Variants in CMC2 observed in about 807,000 individuals in gnomAD.
The protein encoded by CMC2 is COX assembly mitochondrial protein 2 homolog.
In CMC2, 5 loss-of-function variants were observed where a neutral mutation model predicts 7.5. The ratio of observed to expected loss-of-function variants is 0.66; its 90% CI spans 0.35 to 1.40. The LOEUF (loss-of-function observed/expected upper bound fraction) is 1.40, where lower values mean the gene tolerates loss of function less well. Among genes scored for constraint, CMC2 ranks in the 40% most tolerant of loss-of-function variants. The pLI is 0.04. For missense variants in CMC2, 115 were observed against 92.3 expected (o/e 1.25, Z -1.01); for synonymous variants, 37 against 31.4 (o/e 1.18, Z -0.60).
chr16:80,996,669 T>C (rs544241574), intron 2 of CMC2, among the ~76,000 whole-genome samples: 10 of 152,318 alleles, frequency 6.6e-5, no homozygotes, highest in Admixed American at 5.2e-4. Context: ...TGAGAAAAAC[T>C]ATGCAAAGCT....
chr16:80,989,686 A>G (rs1407375341), intron 2 of CMC2, among the ~76,000 whole-genome samples: 1 of 82,400 alleles, frequency 1.2e-5, no homozygotes, highest in Non-Finnish European at 3.7e-5. Flanking sequence ...CATGAAACAA[A>G]CATAGACACA....
intron 3 of CMC2, chr16:80,980,789 G>C (rs1967051367): frequency 1.4e-6 from 1 of 698,618 alleles, no homozygotes; most frequent in South Asian, 1.5e-5. Flanking sequence ...TAGCTACTCA[G>C]GAGGCTGAGG....
At chr16:80,980,704 A>C (rs1967044820) in intron 3 of CMC2, 1 of 604,558 alleles carries the variant, frequency 1.7e-6, no homozygotes. Flanking sequence ...AGCCTGGCCA[A>C]AACAGTGAGA....
Position 80,981,813 on chromosome 16 carries a change from T to C in CMC2, c.146A>G (p.Lys49Arg), listed in dbSNP as rs1223993741. ...CTTTGACACTTTTCTTACCTCATTC[T>C]TCAGGCATTTTCTCAACTCCCGATC... is the stretch of plus-strand genomic sequence containing the variant. Reference protein sequence around the residue: ...DVDRELRKCLKNEYVENRTKS... With the variant: ...DVDRELRKCLRNEYVENRTKS... The change falls in exon 3 of 4, where the codon AAG becomes AGG. Residue 49 changes from lysine to arginine, a missense_variant. Physicochemically the swap from Lys to Arg is conservative, Grantham distance 26. Transcript: ENST00000219400. The C allele has an allele frequency of 3.7e-6, 6 of 1,605,140 alleles. No individual in the cohort carries two copies. Among genetic ancestry groups the C allele is most frequent in the South Asian group, 1.1e-5 (1 of 90,444 alleles).
intron 2 of CMC2, chr16:80,988,557 T>C: frequency 1.4e-6 from 1 of 702,042 alleles, no homozygotes; most frequent in Non-Finnish European, 2.6e-6. Context: ...CCCGAGCTTT[T>C]CTTCTGAACC....
rs1487066562 is a variant in CMC2, at chr16:80,970,704, T to C, written c.*5389A>G. Reference sequence around the variant, plus strand: ...AAATAATCTATAGGCCCCAGAATTATTAAGAAAGTTTGGCAAGCCTTCTGA... The same window carrying C: ...AAATAATCTATAGGCCCCAGAATTACTAAGAAAGTTTGGCAAGCCTTCTGA... On this transcript the variant is annotated 3_prime_UTR_variant, in exon 4 of 4. Transcript: ENST00000219400. The C allele has an allele frequency of 6.6e-6, 1 of 152,198 alleles. No homozygotes were observed. Among genetic ancestry groups the C allele is most frequent in the East Asian group, 1.9e-4 (1 of 5,206 alleles). 9.4% of individuals were successfully genotyped at this position (152,198 alleles called of 1,614,324 possible).
At position 80,974,201 on chromosome 16, in the gene CMC2, A is replaced by G. The variant is rs534201518; in HGVS notation, c.*1892T>C. The stretch of plus-strand genomic sequence containing the variant: ...ACACCTAGTCAGTCATGCTGACTCA[A>G]TGCTTGAATCGTCACTCCTCCTAAT... On this transcript the variant is annotated 3_prime_UTR_variant, in exon 4 of 4. Transcript: ENST00000219400. The G allele has an allele frequency of 3.9e-5, 6 of 152,316 alleles. No homozygotes were observed. Among genetic ancestry groups the G allele is most frequent in the Admixed American group, 6.5e-5 (1 of 15,270 alleles). The allele number at this position is 152,316 out of a possible 1,614,324, so 9.4% of individuals were successfully genotyped here. A position where few individuals can be genotyped will look rare whatever the true frequency, so the allele number is the denominator to read the frequency against.
At chr16:80,978,807 C>A (rs150232557) in intron 3 of CMC2, among the ~76,000 whole-genome samples, 1 of 151,972 alleles carries the variant, frequency 6.6e-6, no homozygotes, top group Non-Finnish European at 1.5e-5. Context: ...GGAGGCTGGG[C>A]GCAGTGGCTC....
At chr16:80,996,203 C>T (rs542891701) in intron 2 of CMC2, among the ~76,000 whole-genome samples, 1 of 152,210 alleles carries the variant, frequency 6.6e-6, no homozygotes, top group Non-Finnish European at 1.5e-5. Flanking sequence ...ACAAAAAGCA[C>T]AACATAAATC....
intron 2 of CMC2, among the ~76,000 whole-genome samples, chr16:80,994,918 G>T (rs1255424749): frequency 6.6e-6 from 1 of 152,104 alleles, no homozygotes; most frequent in African/African-American, 2.4e-5. Flanking sequence ...GGCCATGGCA[G>T]GTGGATCACC....
chr16:80,981,577 T>C (rs915320977), intron 3 of CMC2, among the ~76,000 whole-genome samples: 1 of 152,220 alleles, frequency 6.6e-6, no homozygotes, highest in African/African-American at 2.4e-5. Flanking sequence ...GTAATCATCA[T>C]AAGGAAGTTG....
At chr16:80,988,519 C>T in intron 2 of CMC2, 1 of 697,818 alleles carries the variant, frequency 1.4e-6, no homozygotes. Context: ...ACCAAATTTG[C>T]TTTATCCTTC....
At chr16:80,994,173 C>T (rs1326616116) in intron 2 of CMC2, among the ~76,000 whole-genome samples, 1 of 152,006 alleles carries the variant, frequency 6.6e-6, no homozygotes, top group Non-Finnish European at 1.5e-5. Flanking sequence ...CAACTCACAC[C>T]TCATACTATA....
At chr16:81,002,035 A>G (rs970426571) in intron 1 of CMC2, among the ~76,000 whole-genome samples, 7 of 152,226 alleles carry the variant, frequency 4.6e-5, no homozygotes, top group African/African-American at 1.7e-4. Context: ...CAGTTCAGCA[A>G]TTTAAGTTAT....
chr16:80,994,944 G>A (rs1011351532), intron 2 of CMC2, among the ~76,000 whole-genome samples: 9 of 152,038 alleles, frequency 5.9e-5, no homozygotes, highest in African/African-American at 1.7e-4. Flanking sequence ...TCAGGAGTTC[G>A]AGACCAGCCT....
In CMC2 at chr16:80,972,173, T is replaced by C. The variant is rs1911977270; in HGVS notation, c.*3920A>G. ...TCCCTTTGCTTTCCCTTCACCACTT[T>C]CTGCTATGTACTTATCTCCTTCAGT... On this transcript the variant is annotated 3_prime_UTR_variant, in exon 4 of 4. Coordinates refer to ENST00000219400, the MANE Select transcript of CMC2 (RefSeq NM_020188.5). The C allele has an allele frequency of 6.6e-6, 1 of 152,234 alleles. No homozygotes were observed. Among genetic ancestry groups the C allele is most frequent in the East Asian group, 1.9e-4 (1 of 5,192 alleles). The allele number at this position is 152,234 out of a possible 1,614,324, so 9.4% of individuals were successfully genotyped here. A position where few individuals can be genotyped will look rare whatever the true frequency, so the allele number is the denominator to read the frequency against.
intron 2 of CMC2, among the ~76,000 whole-genome samples, chr16:80,991,319 G>A (rs1461963616): frequency 1.3e-5 from 2 of 151,898 alleles, no homozygotes; most frequent in African/African-American, 4.8e-5. Flanking sequence ...TTATGAAAAG[G>A]GAGAAAAAGA....
intron 2 of CMC2, 82 bp from the exon 3 acceptor site, chr16:80,981,959 G>T: frequency 2.7e-6 from 2 of 746,724 alleles, no homozygotes; most frequent in Non-Finnish European, 4.6e-6. Flanking sequence ...TACTGCCACA[G>T]ACATGAGTTT....
At position 81,000,289 on chromosome 16, in the gene CMC2, A is replaced by G. The variant is rs567418405; in HGVS notation, c.-35-2860T>C. 3.3e-5 allele frequency among the ~76,000 whole-genome samples: 5 copies of G among 152,308 alleles called. 1 individual carries two copies. The South Asian group carries it at 8.3e-4, about 25-fold the overall frequency. ...AAGGCAGGCAGATCACAAGGTCAGG[A>G]GTTCGAGACCAGCCTGGCCAATATG... On this transcript the variant is annotated intron_variant, in intron 1 of 3. Transcript: ENST00000219400.
Sources: gnomAD v4.1 joint callset for allele counts (sites outside exome capture counted in the v4.1 genomes callset) on GRCh38, gnomAD v4.1.1 for gene constraint, MANE v1.5 for transcripts, NCBI Gene and HGNC (gene_info 2026-07-23, HGNC 2026-07-21) for gene names.